The following JAK1 variants were observed in gnomAD, a reference collection of about 807,000 sequenced individuals.
JAK1 encodes the protein tyrosine-protein kinase JAK1.
A neutral mutation model predicts 136.6 loss-of-function variants in JAK1; 16 were observed. The observed-to-expected ratio is 0.12, with a 90% CI of 0.08 to 0.18. JAK1 has a LOEUF of 0.18. Ranked by LOEUF, JAK1 falls within the 10% of genes least tolerant of loss-of-function variation. The probability of loss-of-function intolerance (pLI) is 1.00; values close to 1 mark genes in which losing one functional copy is unlikely to be tolerated. For synonymous variants in JAK1, 492 were observed against 519.5 expected, an observed-to-expected ratio of 0.95 and a Z score of 0.72; for missense variants, 859 against 1,450.1, an observed-to-expected ratio of 0.59 and a Z score of 6.62.
chr1:64,931,122 A>G (rs975939256), intron 1 of JAK1, among the ~76,000 whole-genome samples: 2 of 152,166 alleles, frequency 1.3e-5, no homozygotes, highest in African/African-American at 2.4e-5. Context: ...CGTTCTGCAC[A>G]TGTATCCCAG....
At chr1:64,872,741 A>G (rs1049954888) in intron 5 of JAK1, among the ~76,000 whole-genome samples, 12 of 152,248 alleles carry the variant, frequency 7.9e-5, no homozygotes, top group South Asian at 4.1e-4. Flanking sequence ...CATTTGAAGG[A>G]CAAACAATAA....
Position 64,966,099 on chromosome 1 carries a change from CG to C in JAK1, c.-78+233del, listed in dbSNP as rs1466367330. Among the ~76,000 whole-genome samples the C allele has an allele frequency of 3.1e-3, 474 of 151,952 alleles. 1 individual carries two copies. The highest frequency in any genetic ancestry group is 0.011 in the African/African-American group (453 of 41,538). On this transcript the variant is annotated intron_variant, in intron 1 of 24. Coordinates refer to ENST00000342505, the MANE Select transcript of JAK1 (RefSeq NM_002227.4). ...CTGGCTTAACCGCTCTTCTCCCGGCCGGGGGCCCCCGCCCGGCGACCTCCTC... is the reference window on the plus strand; with the variant it reads ...CTGGCTTAACCGCTCTTCTCCCGGCCGGGGCCCCCGCCCGGCGACCTCCTC...
intron 6 of JAK1, among the ~76,000 whole-genome samples, chr1:64,868,500 A>C (rs1377603283): frequency 1.3e-5 from 2 of 152,252 alleles, no homozygotes; most frequent in African/African-American, 4.8e-5. Context: ...ATAAAGAGGA[A>C]GTACCCAAAG....
chr1:64,965,641 G>A (rs989982660), intron 1 of JAK1, among the ~76,000 whole-genome samples: 6 of 152,116 alleles, frequency 3.9e-5, no homozygotes, highest in Admixed American at 2.0e-4. Flanking sequence ...CCTTTCCAGT[G>A]GGATTCGCAA....
In JAK1 at chr1:64,885,349, T is replaced by C. The variant is rs192379083; in HGVS notation, c.6+910A>G. ...AAACCTTTGTCCTTGAGAGTCTTTA[T>C]AGACGTGACAGGGGAAGAATCCAAA... On this transcript the variant is annotated intron_variant, in intron 2 of 24. Transcript: ENST00000342505. Among the ~76,000 whole-genome samples, 11 of 152,340 alleles carry C rather than the reference T, an allele frequency of 7.2e-5. No individual in the cohort carries two copies. The East Asian group carries it at 2.1e-3, about 29-fold the overall frequency.
At chr1:64,955,977 C>G (rs1257290045) in intron 1 of JAK1, among the ~76,000 whole-genome samples, 2 of 152,072 alleles carry the variant, frequency 1.3e-5, no homozygotes, top group African/African-American at 4.8e-5. Context: ...AATAAGCTGA[C>G]GCATTTTTAA....
intron 1 of JAK1, among the ~76,000 whole-genome samples, chr1:64,936,515 G>A (rs969006214): frequency 7.2e-5 from 11 of 152,160 alleles, no homozygotes; most frequent in African/African-American, 2.7e-4. Flanking sequence ...TGAAGACAAA[G>A]AGAGGTACCT....
chr1:64,972,202 T>A (rs1339404119), intron 2 of JAK1: 1 of 152,134 alleles, frequency 6.6e-6, no homozygotes, highest in Non-Finnish European at 1.5e-5. Context: ...AAAAGAAAAA[T>A]AGAAACTAGT....
intron 9 of JAK1, among the ~76,000 whole-genome samples, chr1:64,859,384 T>A (rs1656151414): frequency 6.6e-6 from 1 of 152,334 alleles, no homozygotes; most frequent in Admixed American, 6.5e-5. Context: ...ATCAGAAAGG[T>A]ATGCACATCT....
intron 1 of JAK1, among the ~76,000 whole-genome samples, chr1:65,061,783 A>G (rs1187055037): frequency 6.6e-6 from 1 of 152,230 alleles, no homozygotes; most frequent in African/African-American, 2.4e-5. Context: ...AAACTTTGCT[A>G]TACTGAGTTT....
At chr1:64,857,260 T>C (rs1178313198) in intron 10 of JAK1, among the ~76,000 whole-genome samples, 1 of 152,358 alleles carries the variant, frequency 6.6e-6, no homozygotes, top group Admixed American at 6.5e-5. Flanking sequence ...TTTGTACCAG[T>C]GAATGCTGTA....
At chr1:65,015,705 C>T (rs1364087681) in intron 2 of JAK1, among the ~76,000 whole-genome samples, 3 of 152,006 alleles carry the variant, frequency 2.0e-5, no homozygotes, top group South Asian at 4.1e-4. Context: ...AAATATAACT[C>T]CAAAAGAATT....
chr1:64,841,516 T>A lies in JAK1; in HGVS notation c.2489A>T (p.Tyr830Phe). 6.2e-7 allele frequency: 1 copy of A among 1,614,166 alleles called. No individual in the cohort carries two copies. The highest frequency in any genetic ancestry group is 1.1e-5 in the South Asian group (1 of 91,082). ...GAAGAAAGGCCTCTGATTGGGGTCA[T>A]AGTTCATGCAGCGGGTCATGAGGTC... is the stretch of plus-strand genomic sequence containing the variant. ...LADLMTRCMNYDPNQRPFFRA... is the reference protein window; with the variant it reads ...LADLMTRCMNFDPNQRPFFRA... The change falls in exon 18 of 25, where the codon TAT becomes TTT. Residue 830 changes from tyrosine (Y) to phenylalanine (F), a missense_variant. Tyr to Phe is a conservative substitution (Grantham distance 22). Coordinates refer to ENST00000342505, the MANE Select transcript of JAK1 (RefSeq NM_002227.4).
At chr1:64,946,703 C>CA (rs1254999494) in intron 1 of JAK1, among the ~76,000 whole-genome samples, 1 of 151,956 alleles carries the variant, frequency 6.6e-6, no homozygotes. Flanking sequence ...GAGAGTTATC[C>CA]AAAAAAGTGG....
intron 1 of JAK1, among the ~76,000 whole-genome samples, chr1:65,062,495 G>A (rs1287322357): frequency 1.3e-5 from 2 of 152,288 alleles, no homozygotes; most frequent in African/African-American, 4.8e-5. Context: ...AGCTAAAGGA[G>A]CCAATACCAA....
At position 64,834,314 on chromosome 1, in the gene JAK1, T is replaced by C; in HGVS notation, c.*248A>G. 1 of 340,096 alleles carries C rather than the reference T, an allele frequency of 2.9e-6. No individual in the cohort carries two copies. The allele number at this position is 340,096 out of a possible 1,614,324, so 21.1% of individuals were successfully genotyped here. A position where few individuals can be genotyped will look rare whatever the true frequency, so the allele number is the denominator to read the frequency against. ...CTTTCCACAAGGAGGAGTGCTTAAGTGCTTTCAAATATTTTGGTTGTCATT... is the reference window on the plus strand; with the variant it reads ...CTTTCCACAAGGAGGAGTGCTTAAGCGCTTTCAAATATTTTGGTTGTCATT... On this transcript the variant is annotated 3_prime_UTR_variant, in exon 25 of 25. Transcript: ENST00000342505.
At chr1:64,888,519 G>A (rs1415747299) in intron 1 of JAK1, among the ~76,000 whole-genome samples, 2 of 152,190 alleles carry the variant, frequency 1.3e-5, no homozygotes, top group East Asian at 3.9e-4. Flanking sequence ...ATCAGACCAT[G>A]TGTTACTTCA....
chr1:64,923,712 A>G (rs1291192538), intron 1 of JAK1, among the ~76,000 whole-genome samples: 1 of 152,150 alleles, frequency 6.6e-6, no homozygotes, highest in Non-Finnish European at 1.5e-5. Flanking sequence ...AAGGCCACAC[A>G]TGCCATGACT....
chr1:64,853,053 G>A (rs1655700752), intron 11 of JAK1, among the ~76,000 whole-genome samples: 1 of 152,194 alleles, frequency 6.6e-6, no homozygotes, highest in Non-Finnish European at 1.5e-5. Flanking sequence ...CCCATGAAGA[G>A]TTTCTTAGTT....
Sources: allele counts gnomAD v4.1 joint callset (sites outside exome capture counted in the v4.1 genomes callset), GRCh38; gene constraint gnomAD v4.1.1; transcripts MANE v1.5; gene names NCBI Gene and HGNC (gene_info 2026-07-23, HGNC 2026-07-21).